HKDC1: variants seen among roughly 807,000 people sequenced by gnomAD.
HKDC1 encodes hexokinase domain containing 1, also known as hexokinase HKDC1.
In HKDC1, 66 loss-of-function variants were observed where a neutral mutation model predicts 96.6. The observed-to-expected ratio is 0.68, with a 90% CI of 0.56 to 0.84. The LOEUF (loss-of-function observed/expected upper bound fraction) is 0.84. Among genes scored for constraint, HKDC1 ranks in the 40% least tolerant of loss-of-function variants. The pLI is 0.00. For synonymous variants in HKDC1, 466 were observed against 473.1 expected (o/e 0.98, Z 0.20); for missense variants, 1,211 against 1,208.1 (o/e 1.00, Z -0.04).
intron 1 of HKDC1, among the ~76,000 whole-genome samples, chr10:69,224,439 A>G (rs1366005649): frequency 3.3e-5 from 5 of 151,926 alleles, no homozygotes; most frequent in Non-Finnish European, 5.9e-5. Flanking sequence ...GCCCGCCACC[A>G]CGCCTGGCTA....
intron 6 of HKDC1, 137 bp from the exon 7 acceptor site, chr10:69,243,045 C>T: frequency 2.5e-6 from 2 of 813,932 alleles, no homozygotes; most frequent in Non-Finnish European, 4.0e-6. Flanking sequence ...AGCTGCTTCC[C>T]TCAGCGAGAG....
At chr10:69,247,077 C>T (rs1406495146) in intron 8 of HKDC1, among the ~76,000 whole-genome samples, 1 of 152,234 alleles carries the variant, frequency 6.6e-6, no homozygotes, top group Non-Finnish European at 1.5e-5. Context: ...TCTGCACTCA[C>T]ATCTCTCATC....
chr10:69,249,011 C>A (rs988532661), intron 10 of HKDC1: 7 of 296,374 alleles, frequency 2.4e-5, no homozygotes, highest in Non-Finnish European at 4.4e-5. Context: ...GTGTACCCCC[C>A]CCGACCCCCA....
At chr10:69,225,118 A>G (rs1376186012) in intron 1 of HKDC1, among the ~76,000 whole-genome samples, 3 of 152,240 alleles carry the variant, frequency 2.0e-5, no homozygotes, top group Admixed American at 2.0e-4. Flanking sequence ...CCAAGTGCTC[A>G]ATGACCCCAT....
intron 16 of HKDC1, among the ~76,000 whole-genome samples, chr10:69,263,841 T>C (rs1048142641): frequency 1.3e-5 from 2 of 152,218 alleles, no homozygotes; most frequent in African/African-American, 4.8e-5. Context: ...TATTCATTCA[T>C]TTTAGAGAAT....
Position 69,266,826 on chromosome 10 carries a change from C to T in HKDC1, c.*69C>T. ...CTTTTCCTCTGGCAGATCAGTTGGT[C>T]AGAGACCAATGGGCACCCTCCTGGC... On this transcript the variant is annotated 3_prime_UTR_variant, in exon 18 of 18. Transcript: ENST00000354624. The T allele has an allele frequency of 6.6e-7, 1 of 1,525,494 alleles. No homozygotes were observed. The highest frequency in any genetic ancestry group is 2.3e-5 in the East Asian group (1 of 43,352). 94.5% of individuals were successfully genotyped at this position (1,525,494 alleles called of 1,614,324 possible). A position where few individuals can be genotyped will look rare whatever the true frequency, so the allele number is the denominator to read the frequency against.
chr10:69,240,089 G>A (rs1404189231), intron 5 of HKDC1, among the ~76,000 whole-genome samples: 2 of 152,134 alleles, frequency 1.3e-5, no homozygotes, highest in Non-Finnish European at 2.9e-5. Context: ...GAGGACTTTG[G>A]TGTTTTCTCC....
intron 12 of HKDC1, among the ~76,000 whole-genome samples, chr10:69,252,751 G>A (rs1302419079): frequency 6.6e-6 from 1 of 151,712 alleles, no homozygotes; most frequent in Non-Finnish European, 1.5e-5. Context: ...GGAGATTGAG[G>A]TTCCAGGGAG....
chr10:69,237,291 G>A (rs753508994), intron 4 of HKDC1, among the ~76,000 whole-genome samples: 5 of 139,086 alleles, frequency 3.6e-5, no homozygotes, highest in African/African-American at 1.7e-4. Flanking sequence ...GTGTGTGTGT[G>A]TGTGTGTGTG....
chr10:69,232,473 A>C, intron 2 of HKDC1: 2 of 384,132 alleles, frequency 5.2e-6, no homozygotes, highest in East Asian at 5.3e-5. Flanking sequence ...TACCACCGCA[A>C]GGGCTGTGCT....
chr10:69,254,502 G>C (rs923149788), intron 12 of HKDC1, among the ~76,000 whole-genome samples: 1 of 152,116 alleles, frequency 6.6e-6, no homozygotes, highest in African/African-American at 2.4e-5. Context: ...ATTGAGCGCT[G>C]ATTCCCTAGT....
chr10:69,239,161 G>T (rs771946060), intron 5 of HKDC1, 24 bp downstream of exon 5: 1 of 1,584,786 alleles, frequency 6.3e-7, no homozygotes, highest in Non-Finnish European at 8.7e-7. Flanking sequence ...CTCGGTGTGG[G>T]AGGCTCTCCC....
chr10:69,246,235 G>A lies in HKDC1; in HGVS notation c.1031+1G>A. The stretch of plus-strand genomic sequence containing the variant: ...CACGGCACGTGGCTGCCATGGAGAA[G>A]TAAGCAAGTCCCTCTGCCTTGGCTC... On this transcript the variant is annotated splice_donor_variant, in intron 8 of 17. Transcript: ENST00000354624. LOFTEE classifies it high-confidence loss of function. 1 of 1,613,536 alleles carries A rather than the reference G, an allele frequency of 6.2e-7. No homozygotes were observed. The highest frequency in any genetic ancestry group is 8.5e-7 in the Non-Finnish European group (1 of 1,179,920).
intron 16 of HKDC1, chr10:69,261,549 C>T (rs1843811107): frequency 2.4e-6 from 1 of 411,688 alleles, no homozygotes; most frequent in South Asian, 4.6e-5. Flanking sequence ...AAACAAACCC[C>T]ACATCTTACA....
chr10:69,226,719 G>A (rs1214773101), intron 1 of HKDC1, among the ~76,000 whole-genome samples: 1 of 152,138 alleles, frequency 6.6e-6, no homozygotes, highest in African/African-American at 2.4e-5. Flanking sequence ...ATGAAATTTA[G>A]CTCTGAGCTT....
intron 2 of HKDC1, among the ~76,000 whole-genome samples, chr10:69,229,094 G>T (rs1235047671): frequency 1.3e-5 from 2 of 152,236 alleles, no homozygotes; most frequent in Non-Finnish European, 2.9e-5. Flanking sequence ...CTGTGGTGTG[G>T]CTGTTCAGAC....
intron 4 of HKDC1, among the ~76,000 whole-genome samples, chr10:69,234,687 G>A (rs926042433): frequency 1.3e-5 from 2 of 152,250 alleles, no homozygotes; most frequent in Admixed American, 6.5e-5. Flanking sequence ...TGTGGTGACT[G>A]TCCCTGGATT....
chr10:69,258,716 C>A, intron 14 of HKDC1, 60 bp from the exon 15 acceptor site: 2 of 1,545,878 alleles, frequency 1.3e-6, no homozygotes, highest in Non-Finnish European at 1.8e-6. Flanking sequence ...TGCACTCTGC[C>A]ACCTTTCTAA....
chr10:69,243,109 G>A, intron 6 of HKDC1, 73 bp from the exon 7 acceptor site: 1 of 1,455,904 alleles, frequency 6.9e-7, no homozygotes, highest in Non-Finnish European at 9.6e-7. Context: ...GGACTCCCCA[G>A]CAGTCAAGAG....
Sources: gnomAD v4.1 joint callset for allele counts (sites outside exome capture counted in the v4.1 genomes callset) on GRCh38, gnomAD v4.1.1 for gene constraint, MANE v1.5 for transcripts, NCBI Gene and HGNC (gene_info 2026-07-23, HGNC 2026-07-21) for gene names.